Variants in PCSK6 observed in about 807,000 individuals in gnomAD.
PCSK6 encodes the protein paired basic amino acid cleaving enzyme 4.
In PCSK6, 85 loss-of-function variants were observed where a neutral mutation model predicts 123.3. The ratio of observed to expected loss-of-function variants is 0.69; its 90% CI spans 0.58 to 0.83. The LOEUF is 0.83. Ranked by LOEUF, PCSK6 falls within the 40% of genes least tolerant of loss-of-function variation. The probability of loss-of-function intolerance (pLI) is 0.00; values close to 1 mark genes in which losing one functional copy is unlikely to be tolerated. For synonymous variants in PCSK6, 508 were observed against 516.0 expected (o/e 0.98, Z 0.21); for missense variants, 1,191 against 1,282.3 (o/e 0.93, Z 1.09).
At chr15:101,335,633 C>T (rs2040461480) in intron 13 of PCSK6, among the ~76,000 whole-genome samples, 1 of 152,212 alleles carries the variant, frequency 6.6e-6, no homozygotes, top group African/African-American at 2.4e-5. Flanking sequence ...TTTCCATTAA[C>T]AGTGTATCCT....
chr15:101,355,726 C>T (rs1011314409), intron 13 of PCSK6, among the ~76,000 whole-genome samples: 1 of 152,256 alleles, frequency 6.6e-6, no homozygotes, highest in Admixed American at 6.5e-5. Flanking sequence ...ATCCGGCATG[C>T]CCATGGGGGC....
At chr15:101,313,112 TG>T in intron 20 of PCSK6, 2 of 1,416,536 alleles carry the variant, frequency 1.4e-6, no homozygotes, top group Non-Finnish European at 1.9e-6. Flanking sequence ...AGTCCACCAA[TG>T]GGGTGTGAGC....
chr15:101,366,006 C>T (rs527540635), intron 13 of PCSK6, 190 bp downstream of exon 13: 68 of 540,888 alleles, frequency 1.3e-4, no homozygotes, highest in Admixed American at 3.0e-4. Flanking sequence ...TACATGACAT[C>T]GTGGATGTAC....
chr15:101,477,176 G>T (rs924014), intron 1 of PCSK6, among the ~76,000 whole-genome samples: 83,650 of 152,048 alleles, frequency 0.55, 23,782 homozygotes, highest in East Asian at 0.84. Flanking sequence ...ACTTATTGAC[G>T]TGGGAGGTAC....
rs146483330 is a variant in PCSK6 at position 101,463,155 on chromosome 15, A to G, written c.298-19495T>C. 2.6e-3 allele frequency: 1,180 copies of G among 456,656 alleles called. 11 individuals are homozygous for G. Among genetic ancestry groups the G allele is most frequent in the African/African-American group, 0.02 (1,001 of 50,186 alleles). The allele number at this position is 456,656 out of a possible 1,614,324, so 28.3% of individuals were successfully genotyped here. On this transcript the variant is annotated intron_variant, in intron 1 of 21. Coordinates refer to ENST00000611716, the MANE Select transcript of PCSK6 (RefSeq NM_002570.5). ...AATGACTCTTTGACTCAGGAATCTT[A>G]AAAATCACACACAGGGGCCTTCTGG...
At position 101,347,046 on chromosome 15, in the gene PCSK6, T is replaced by G. The variant is rs1315551569; in HGVS notation, c.1859-15015A>C. On this transcript the variant is annotated intron_variant, in intron 13 of 21. Transcript: ENST00000611716. ...TAAAAATGGAACTTTTTGACAACAG[T>G]GTGTATGGTGACTGTTTGGAGAGTG... 2.4e-6 allele frequency: 3 copies of G among 1,231,562 alleles called. No homozygotes were observed. The African/African-American group carries it at 4.7e-5, about 19-fold the overall frequency. The allele number at this position is 1,231,562 out of a possible 1,614,324, so 76.3% of individuals were successfully genotyped here.
At chr15:101,363,008 G>C (rs1204824896) in intron 13 of PCSK6, among the ~76,000 whole-genome samples, 1 of 152,242 alleles carries the variant, frequency 6.6e-6, no homozygotes, top group East Asian at 1.9e-4. Context: ...ATGGGAGTGG[G>C]CTGGGAGTGA....
chr15:101,403,203 T>A lies in PCSK6; in HGVS notation c.824-4627A>T, dbSNP rs528092369. On this transcript the variant is annotated intron_variant, in intron 6 of 21. Coordinates refer to ENST00000611716, the MANE Select transcript of PCSK6 (RefSeq NM_002570.5). The stretch of plus-strand genomic sequence containing the variant: ...ACCAAACACCGCATGTTCTCACTCA[T>A]AGGTGGGAATTGAACAATGAGAACA... Among the ~76,000 whole-genome samples the A allele has an allele frequency of 8.0e-5, 11 of 137,420 alleles. No individual in the cohort carries two copies. The South Asian group carries it at 2.5e-3, about 32-fold the overall frequency. The allele number at this position is 137,420 out of a possible 152,430, so 90.2% of individuals were successfully genotyped here.
At chr15:101,377,957 CTGT>C (rs1331259718) in intron 11 of PCSK6, among the ~76,000 whole-genome samples, 1 of 152,192 alleles carries the variant, frequency 6.6e-6, no homozygotes, top group Non-Finnish European at 1.5e-5. Flanking sequence ...TTAAAAGACC[CTGT>C]TGTTGTGAGT....
intron 13 of PCSK6, among the ~76,000 whole-genome samples, chr15:101,353,421 T>TG (rs1299498691): frequency 6.6e-6 from 1 of 151,938 alleles, no homozygotes; most frequent in African/African-American, 2.4e-5. Flanking sequence ...TGCTGTGTAG[T>TG]CTAGTCCCTA....
At chr15:101,434,945 A>G (rs11247292) in intron 2 of PCSK6, among the ~76,000 whole-genome samples, 114,974 of 152,048 alleles carry the variant, frequency 0.76, 43,591 homozygotes, top group East Asian at 0.86. Flanking sequence ...CAGTGTCTCC[A>G]GAGAGCAGGC....
intron 15 of PCSK6, 78 bp downstream of exon 15, chr15:101,331,573 C>CAT (rs2040371339): frequency 1.5e-6 from 2 of 1,359,012 alleles, no homozygotes; most frequent in African/African-American, 2.9e-5. Context: ...GGCAAGACCC[C>CAT]ATTCTGGTTG....
chr15:101,389,034 A>G (rs956300083), intron 9 of PCSK6, among the ~76,000 whole-genome samples: 5 of 152,204 alleles, frequency 3.3e-5, no homozygotes, highest in African/African-American at 1.2e-4. Context: ...ATAAAATGAG[A>G]TTATTAGGGT....
intron 2 of PCSK6, among the ~76,000 whole-genome samples, chr15:101,437,715 A>C (rs1177689076): frequency 6.6e-6 from 1 of 152,082 alleles, no homozygotes; most frequent in Non-Finnish European, 1.5e-5. Flanking sequence ...AAAGCTACTC[A>C]TTTGTAAGTT....
intron 9 of PCSK6, 112 bp from the exon 10 acceptor site, chr15:101,384,537 C>T (rs2042005585): frequency 2.6e-6 from 2 of 764,082 alleles, no homozygotes; most frequent in Non-Finnish European, 4.3e-6. Flanking sequence ...TCAGCAAGCC[C>T]CTCAGGCTAA....
intron 1 of PCSK6, among the ~76,000 whole-genome samples, chr15:101,478,947 T>C (rs906044386): frequency 6.6e-5 from 10 of 152,258 alleles, no homozygotes; most frequent in African/African-American, 2.2e-4. Flanking sequence ...GATTTGCCTT[T>C]GGTGAATGGA....
intron 1 of PCSK6, among the ~76,000 whole-genome samples, chr15:101,450,919 C>T (rs935275405): frequency 2.0e-5 from 3 of 151,992 alleles, no homozygotes; most frequent in African/African-American, 7.2e-5. Flanking sequence ...CACTCCCTTC[C>T]ACTGGCCAGT....
At chr15:101,459,989 TG>T (rs2057303370) in intron 1 of PCSK6, among the ~76,000 whole-genome samples, 1 of 152,316 alleles carries the variant, frequency 6.6e-6, no homozygotes, top group South Asian at 2.1e-4. Flanking sequence ...GGGAGAGAGA[TG>T]TGCGTTAGGT....
chr15:101,324,870 G>T lies in PCSK6; in HGVS notation c.2357C>A (p.Ala786Glu). The T allele has an allele frequency of 1.2e-6, 2 of 1,613,206 alleles. No homozygotes were observed. Among genetic ancestry groups the T allele is most frequent in the Non-Finnish European group, 1.7e-6 (2 of 1,179,610 alleles). Residue 786 changes from alanine (A) to glutamate (E), a missense_variant, in exon 17 of 22, where the codon GCA (alanine) becomes GAA (glutamate). By Grantham distance (107) the Ala-to-Glu change is moderately radical. Transcript: ENST00000611716. The stretch of plus-strand genomic sequence containing the variant: ...CTTACTTTCATCAGCATAAAATCCT[G>T]CAGGACAGAGGGTCACACAGGTGTT... ...EMNTCVTLCP[A>E]GFYADESQKN...
Sources: gnomAD v4.1 joint callset for allele counts (sites outside exome capture counted in the v4.1 genomes callset) on GRCh38, gnomAD v4.1.1 for gene constraint, MANE v1.5 for transcripts, NCBI Gene and HGNC (gene_info 2026-07-23, HGNC 2026-07-21) for gene names.